HERC2: variants seen among roughly 807,000 people sequenced by gnomAD.
HERC2 encodes HECT and RLD domain containing E3 ubiquitin protein ligase 2, also known as E3 ubiquitin-protein ligase HERC2.
Under a neutral mutation model 537.7 loss-of-function variants are expected in HERC2, and 102 were observed. The ratio of observed to expected loss-of-function variants is 0.19; its 90% confidence interval spans 0.16 to 0.22. HERC2 has a LOEUF of 0.22. HERC2 is among the 10% of genes least tolerant of loss of function. HERC2 has a pLI of 1.00. For synonymous variants in HERC2, 2,224 were observed against 2,466.2 expected, an observed-to-expected ratio of 0.90 and a Z score of 2.91; for missense variants, 4,236 against 6,198.2, an observed-to-expected ratio of 0.68 and a Z score of 10.63.
At chr15:28,208,280 C>T (rs1279185026) in intron 44 of HERC2, among the ~76,000 whole-genome samples, 2 of 152,082 alleles carry the variant, frequency 1.3e-5, no homozygotes, top group Non-Finnish European at 2.9e-5. Context: ...GCACCACTCA[C>T]TATTCTCCCC....
Position 28,139,913 on chromosome 15 carries a change from A to AG in HERC2, c.12015+1518_12015+1519insC, listed in dbSNP as rs1555405209. ...ATCTCTACTAAAAAAAAAAAAAAAAAAAAGATTAGCCAGGCGTGGTGGCGG... is the reference window on the plus strand; with the variant it reads ...ATCTCTACTAAAAAAAAAAAAAAAAAGAAAGATTAGCCAGGCGTGGTGGCGG... On this transcript the variant is annotated intron_variant, in intron 78 of 92. Transcript: ENST00000261609. 2.7e-3 allele frequency among the ~76,000 whole-genome samples: 403 copies of AG among 148,616 alleles called. 9 individuals carry two copies. Among genetic ancestry groups the AG allele is most frequent in the Middle Eastern group, 0.018 (5 of 284 alleles).
At chr15:28,302,849 GATT>G (rs887003937) in intron 2 of HERC2, among the ~76,000 whole-genome samples, 1 of 150,012 alleles carries the variant, frequency 6.7e-6, no homozygotes, top group African/African-American at 2.5e-5. Context: ...ATTCTTATTG[GATT>G]ATTAGATTTT....
chr15:28,208,107 C>T (rs905285056), intron 44 of HERC2, among the ~76,000 whole-genome samples: 3 of 152,212 alleles, frequency 2.0e-5, no homozygotes, highest in Admixed American at 2.0e-4. Flanking sequence ...GGGAAATCTT[C>T]ATGTTCCCTA....
chr15:28,238,894 C>T (rs1313883478), intron 23 of HERC2, 122 bp from the exon 24 acceptor site: 2 of 756,378 alleles, frequency 2.6e-6, no homozygotes, highest in African/African-American at 3.4e-5. Context: ...GGGAGAAATA[C>T]ATACCTAGCT....
chr15:28,270,006 G>A (rs1290763130), intron 10 of HERC2, among the ~76,000 whole-genome samples: 1 of 152,208 alleles, frequency 6.6e-6, no homozygotes, highest in Non-Finnish European at 1.5e-5. Flanking sequence ...TTGTTGCCCA[G>A]GCTGCAGTGC....
intron 89 of HERC2, among the ~76,000 whole-genome samples, chr15:28,115,081 G>A (rs959577432): frequency 5.3e-5 from 8 of 151,236 alleles, no homozygotes; most frequent in Non-Finnish European, 7.4e-5. Context: ...CCCTGCAGCC[G>A]AGGCACAACA....
chr15:28,175,607 G>A lies in HERC2; in HGVS notation c.9736C>T (p.Arg3246Trp), dbSNP rs1202104456. 6.2e-7 allele frequency: 1 copy of A among 1,614,034 alleles called. No homozygotes were observed. The highest frequency in any genetic ancestry group is 8.5e-7 in the Non-Finnish European group (1 of 1,179,980). Residue 3246 changes from arginine to tryptophan, a missense_variant, in exon 64 of 93, where the codon CGG becomes TGG. Physicochemically the swap from Arg to Trp is moderately radical, Grantham distance 101 (BLOSUM62 -3). Coordinates refer to ENST00000261609, the MANE Select transcript of HERC2 (RefSeq NM_004667.6). ...RLGHGSDVHV[R>W]KPQVVEGLRG... is the part of the protein sequence containing the mutation. ...AGCCCTTCCACCACCTGTGGTTTCC[G>A]CACGTGCACGTCAGAGCCGTGGCCC...
rs1379822748 is a variant in HERC2, at chr15:28,300,229, A to T, written c.73-713T>A. On this transcript the variant is annotated intron_variant, in intron 2 of 92. Coordinates refer to ENST00000261609, the MANE Select transcript of HERC2 (RefSeq NM_004667.6). ...GAAAAAGCAACAACATTGTGAGTAT[A>T]CTTTAGATGTCTTTACTTCTGAAAC... Among the ~76,000 whole-genome samples the T allele has an allele frequency of 2.0e-5, 3 of 151,474 alleles. No individual in the cohort carries two copies. In the East Asian group the frequency reaches 5.8e-4, roughly 30 times the overall value.
rs111412987 is a variant in HERC2, at chr15:28,235,815, C to T, written c.4003+1148G>A. ...CCATCACTGCATCCTGAACACCTCGCATGGTAACTGCACCAGGCAACTGTT... is the reference window on the plus strand; with the variant it reads ...CCATCACTGCATCCTGAACACCTCGTATGGTAACTGCACCAGGCAACTGTT... On this transcript the variant is annotated intron_variant, in intron 26 of 92. Transcript: ENST00000261609. Among the ~76,000 whole-genome samples, 658 of 152,302 alleles carry T rather than the reference C, an allele frequency of 4.3e-3. 4 individuals carry two copies. Among genetic ancestry groups the T allele is most frequent in the African/African-American group, 0.015 (625 of 41,550 alleles).
intron 23 of HERC2, among the ~76,000 whole-genome samples, chr15:28,241,964 C>T (rs1295447886): frequency 6.6e-6 from 1 of 152,192 alleles, no homozygotes; most frequent in Non-Finnish European, 1.5e-5. Flanking sequence ...GTGATATACT[C>T]ATATAACAGA....
chr15:28,265,841 C>T lies in HERC2; in HGVS notation c.1732G>A (p.Gly578Arg), dbSNP rs1337335646. Residue 578 changes from glycine to arginine, a missense_variant, in exon 13 of 93, where the codon GGG (glycine) becomes AGG (arginine). Physicochemically the swap from Gly to Arg is moderately radical, Grantham distance 125 (BLOSUM62 -2). This residue lies in a region of HERC2 where 754 missense variants were observed against 1,085.0 expected (regional missense o/e 0.69). Transcript: ENST00000261609. This position sits in a 1 kb window ranked among gnomAD's most constrained non-coding sequence, Gnocchi z 4.0. ...AEGELYTWGR[G>R]NYGRLGHGSS... is the part of the protein sequence containing the mutation. The stretch of plus-strand genomic sequence containing the variant: ...CCATGGCCCAGCCGGCCGTAGTTCC[C>T]GCGGCCCCAGGTGTACAGCTCCCCC... The T allele has an allele frequency of 6.2e-7, 1 of 1,614,156 alleles. No homozygotes were observed.
chr15:28,304,907 T>A (rs947780991), intron 2 of HERC2, among the ~76,000 whole-genome samples: 2 of 130,536 alleles, frequency 1.5e-5, no homozygotes, highest in Admixed American at 1.7e-4. Context: ...GATATTCCCC[T>A]TCCTGTGACC....
chr15:28,187,748 C>G (rs921220129), intron 55 of HERC2, among the ~76,000 whole-genome samples: 4 of 152,186 alleles, frequency 2.6e-5, no homozygotes, highest in Non-Finnish European at 5.9e-5. Flanking sequence ...TATGTCATGT[C>G]ATTTTATTGT....
intron 86 of HERC2, chr15:28,117,724 C>G (rs1315768826): frequency 2.7e-6 from 1 of 367,952 alleles, no homozygotes; most frequent in Admixed American, 3.4e-5. Flanking sequence ...GCCTTGGGGC[C>G]ACTCAGCCTC....
rs1190692696 is a variant in HERC2, at chr15:28,280,146, T to C, written c.464A>G (p.Asn155Ser). 6.2e-7 allele frequency: 1 copy of C among 1,614,218 alleles called. No individual in the cohort carries two copies. The highest frequency in any genetic ancestry group is 8.5e-7 in the Non-Finnish European group (1 of 1,180,032). ...GACATTCTCCTGAAAAACGGTTCTA[T>C]TCAAGGCAATGAAATAGCGCTCCAA... ...VILERYFIAL[N>S]RTVFQENVKV... Residue 155 changes from asparagine to serine, a missense_variant, in exon 5 of 93, where the codon AAT becomes AGT. Physicochemically the swap from Asn to Ser is conservative, Grantham distance 46. Transcript: ENST00000261609.
At chr15:28,182,089 G>A (rs1001144639) in intron 57 of HERC2, among the ~76,000 whole-genome samples, 1 of 152,108 alleles carries the variant, frequency 6.6e-6, no homozygotes, top group Non-Finnish European at 1.5e-5. Context: ...ACATTATTTT[G>A]TTCATGATAG....
intron 35 of HERC2, 127 bp downstream of exon 35, chr15:28,228,091 C>G (rs907616804): frequency 1.2e-6 from 1 of 815,346 alleles, no homozygotes; most frequent in African/African-American, 1.7e-5. Context: ...AAATGGTACA[C>G]TTCCTATTTG....
chr15:28,199,289 G>A (rs2107430), intron 48 of HERC2, among the ~76,000 whole-genome samples: 1 of 152,186 alleles, frequency 6.6e-6, no homozygotes, highest in Non-Finnish European at 1.5e-5. Context: ...ATCAACTTGT[G>A]TCATAAAGGA....
chr15:28,140,000 A>G (rs1271239714), intron 78 of HERC2, among the ~76,000 whole-genome samples: 1 of 151,562 alleles, frequency 6.6e-6, no homozygotes, highest in Non-Finnish European at 1.5e-5. Flanking sequence ...CCCAGGAGGC[A>G]GAGGTTGTAG....
Sources: allele counts gnomAD v4.1 joint callset (sites outside exome capture counted in the v4.1 genomes callset), GRCh38; gene constraint gnomAD v4.1.1; regional missense constraint gnomAD v4.1.1; non-coding constraint Gnocchi (gnomAD v3.1); transcripts MANE v1.5; gene names NCBI Gene and HGNC (gene_info 2026-07-23, HGNC 2026-07-21).